RHBDL3: variants seen among roughly 807,000 people sequenced by gnomAD.
RHBDL3 encodes rhomboid like 3.
A neutral mutation model predicts 48.2 loss-of-function variants in RHBDL3; 28 were observed. That is an observed-to-expected ratio of 0.58 (90% confidence interval 0.43 to 0.80). RHBDL3 has a LOEUF of 0.80. Among genes scored for constraint, RHBDL3 ranks in the 30% least tolerant of loss-of-function variants. The probability of loss-of-function intolerance (pLI) is 0.00; values close to 1 mark genes in which losing one functional copy is unlikely to be tolerated. For missense variants in RHBDL3, 464 were observed against 542.7 expected (o/e 0.85, Z 1.44); for synonymous variants, 208 against 232.3 (o/e 0.90, Z 0.95).
intron 1 of RHBDL3, chr17:32,267,655 G>GGGGCC: frequency 3.3e-6 from 1 of 306,120 alleles, no homozygotes. Context: ...CACCCACCTT[G>GGGGCC]CCGCCCCCGC....
intron 2 of RHBDL3, among the ~76,000 whole-genome samples, chr17:32,274,297 G>A (rs1317010537): frequency 6.6e-6 from 1 of 152,142 alleles, no homozygotes; most frequent in Admixed American, 6.6e-5. Flanking sequence ...ATTCCTGCTG[G>A]AGCTTTACTT....
At chr17:32,311,133 G>C (rs2040839325) in intron 7 of RHBDL3, among the ~76,000 whole-genome samples, 1 of 152,214 alleles carries the variant, frequency 6.6e-6, no homozygotes. Flanking sequence ...TGAGGGGACT[G>C]GTTACCAACT....
intron 5 of RHBDL3, 118 bp downstream of exon 5, chr17:32,294,560 G>C (rs1284507586): frequency 2.0e-6 from 2 of 1,013,238 alleles, no homozygotes; most frequent in Non-Finnish European, 2.8e-6. Context: ...CATAGGATTT[G>C]GGATGGCTGC....
At chr17:32,267,202 A>G (rs927365302) in intron 1 of RHBDL3, among the ~76,000 whole-genome samples, 6 of 152,022 alleles carry the variant, frequency 3.9e-5, no homozygotes, top group African/African-American at 1.4e-4. Context: ...GTAGTTTACG[A>G]TCTTCTCTCT....
chr17:32,283,574 T>C lies in RHBDL3; in HGVS notation c.136-1085T>C, dbSNP rs189808994. Reference sequence around the variant, plus strand: ...TCCTGACCTTGTGATCCGCCCGCCTTGGCCTCCCAAAGTGCTGGGATTACA... The same window carrying C: ...TCCTGACCTTGTGATCCGCCCGCCTCGGCCTCCCAAAGTGCTGGGATTACA... On this transcript the variant is annotated intron_variant, in intron 2 of 8. Transcript: ENST00000269051. Among the ~76,000 whole-genome samples the C allele has an allele frequency of 4.8e-3, 729 of 152,018 alleles. 2 individuals are homozygous for C. Among genetic ancestry groups the C allele is most frequent in the African/African-American group, 7.1e-3 (295 of 41,470 alleles).
chr17:32,280,401 G>T (rs1156547875), intron 2 of RHBDL3: 3 of 152,254 alleles, frequency 2.0e-5, no homozygotes, highest in Non-Finnish European at 4.4e-5. Flanking sequence ...CAAGGAAATT[G>T]CATTGATGGG....
intron 7 of RHBDL3, among the ~76,000 whole-genome samples, chr17:32,315,478 T>C (rs1265530981): frequency 6.6e-6 from 1 of 152,172 alleles, no homozygotes; most frequent in Non-Finnish European, 1.5e-5. Context: ...TTTTCCAAGA[T>C]TCTCAGGGGA....
intron 6 of RHBDL3, among the ~76,000 whole-genome samples, chr17:32,300,611 C>G (rs1217950219): frequency 6.6e-6 from 1 of 152,180 alleles, no homozygotes; most frequent in Non-Finnish European, 1.5e-5. Context: ...GGCAGCCTTA[C>G]TCTCTAATTC....
At chr17:32,274,887 T>C (rs73984507) in intron 2 of RHBDL3, among the ~76,000 whole-genome samples, 295 of 152,176 alleles carry the variant, frequency 1.9e-3, no homozygotes, top group African/African-American at 6.3e-3. Flanking sequence ...TGTGTGTGTG[T>C]GCACGCATGC....
At chr17:32,274,942 G>T (rs534112413) in intron 2 of RHBDL3, among the ~76,000 whole-genome samples, 1 of 152,142 alleles carries the variant, frequency 6.6e-6, no homozygotes, top group Non-Finnish European at 1.5e-5. Context: ...TCCTGAAATG[G>T]GCCAGGAGAT....
chr17:32,304,534 T>C (rs1402426891), intron 6 of RHBDL3, among the ~76,000 whole-genome samples: 1 of 152,196 alleles, frequency 6.6e-6, no homozygotes, highest in African/African-American at 2.4e-5. Context: ...ATCTCAGGAA[T>C]GAGGCTACTG....
At chr17:32,279,285 G>A (rs2039985887) in intron 2 of RHBDL3, among the ~76,000 whole-genome samples, 1 of 152,166 alleles carries the variant, frequency 6.6e-6, no homozygotes, top group Non-Finnish European at 1.5e-5. Context: ...TCGTGTTGCT[G>A]TTCACCAGGA....
At chr17:32,295,344 G>T (rs780875162) in intron 5 of RHBDL3, among the ~76,000 whole-genome samples, 29 of 152,240 alleles carry the variant, frequency 1.9e-4, no homozygotes, top group Non-Finnish European at 3.4e-4. Flanking sequence ...GGCTGCACCT[G>T]CGGGGGAGGG....
At position 32,285,705 on chromosome 17, in the gene RHBDL3, G is replaced by C. The variant is rs547494463; in HGVS notation, c.294+888G>C. On this transcript the variant is annotated intron_variant, in intron 3 of 8. Coordinates refer to ENST00000269051, the MANE Select transcript of RHBDL3 (RefSeq NM_138328.3). ...AAAATAAGACCCAAAGTTTTTGCTG[G>C]GTTTTCCTATTGGTGAGATGGAGCT... Among the ~76,000 whole-genome samples, 10 of 152,310 alleles carry C rather than the reference G, an allele frequency of 6.6e-5. No homozygotes were observed. In the East Asian group the frequency reaches 9.6e-4, roughly 15 times the overall value.
At chr17:32,317,060 AC>A (rs2040993228) in intron 8 of RHBDL3, among the ~76,000 whole-genome samples, 1 of 151,214 alleles carries the variant, frequency 6.6e-6, no homozygotes, top group Non-Finnish European at 1.5e-5. Context: ...TTTTGTAAAG[AC>A]GGGGTTTCAC....
intron 7 of RHBDL3, 110 bp downstream of exon 7, chr17:32,305,551 C>T (rs78277760): frequency 1.3e-6 from 1 of 769,498 alleles, no homozygotes; most frequent in African/African-American, 1.7e-5. Context: ...CAGACCTGAC[C>T]TGGAGCAGAG....
At chr17:32,311,900 A>G (rs1431128161) in intron 7 of RHBDL3, among the ~76,000 whole-genome samples, 1 of 152,230 alleles carries the variant, frequency 6.6e-6, no homozygotes, top group Non-Finnish European at 1.5e-5. Flanking sequence ...GATAAGGGGC[A>G]GTTGTTATCT....
At chr17:32,305,805 C>T (rs2040697740) in intron 7 of RHBDL3, among the ~76,000 whole-genome samples, 1 of 151,802 alleles carries the variant, frequency 6.6e-6, no homozygotes, top group Non-Finnish European at 1.5e-5. Flanking sequence ...GTAGTCCCAG[C>T]TACTCGGGAG....
intron 2 of RHBDL3, among the ~76,000 whole-genome samples, chr17:32,282,783 C>T (rs973080018): frequency 2.0e-5 from 3 of 152,116 alleles, no homozygotes; most frequent in Non-Finnish European, 4.4e-5. Context: ...CAACCACGCC[C>T]GGCTAATTTT....
Sources: allele counts gnomAD v4.1 joint callset (sites outside exome capture counted in the v4.1 genomes callset), GRCh38; gene constraint gnomAD v4.1.1; transcripts MANE v1.5; gene names NCBI Gene and HGNC (gene_info 2026-07-23, HGNC 2026-07-21).